PRDX5: variants seen among roughly 807,000 people sequenced by gnomAD.
The protein encoded by PRDX5 is peroxiredoxin 5.
In PRDX5, 21 loss-of-function variants were observed where a neutral mutation model predicts 23.8. The observed-to-expected ratio is 0.88, with a 90% CI of 0.63 to 1.27. The LOEUF (loss-of-function observed/expected upper bound fraction) is 1.27. PRDX5 is among the 50% of genes most tolerant of loss of function. The pLI is 0.00. For missense variants in PRDX5, 261 were observed against 270.6 expected (o/e 0.96, Z 0.25); for synonymous variants, 111 against 113.3 (o/e 0.98, Z 0.13).
intron 3 of PRDX5, 31 bp downstream of exon 3, chr11:64,320,823 C>T: frequency 1.2e-6 from 2 of 1,614,200 alleles, no homozygotes; most frequent in Non-Finnish European, 8.5e-7. Context: ...GGAGTCAGGA[C>T]CAGGTAGGAT....
chr11:64,321,520 G>A, intron 5 of PRDX5, 66 bp from the exon 6 acceptor site: 3 of 1,580,592 alleles, frequency 1.9e-6, no homozygotes, highest in Non-Finnish European at 2.6e-6. Context: ...GCTGTTCACT[G>A]CCTGTCTCCA....
At chr11:64,321,509 G>C in intron 5 of PRDX5, 77 bp from the exon 6 acceptor site, 3 of 1,566,616 alleles carry the variant, frequency 1.9e-6, no homozygotes, top group Non-Finnish European at 2.6e-6. Context: ...TTGGGCCCCT[G>C]GCTGTTCACT....
Position 64,319,869 on chromosome 11 carries a change from G to T in PRDX5, c.306+1G>T. 3 of 1,613,894 alleles carry T rather than the reference G, an allele frequency of 1.9e-6. No individual in the cohort carries two copies. Among genetic ancestry groups the T allele is most frequent in the Non-Finnish European group, 2.5e-6 (3 of 1,179,886 alleles). On this transcript the variant is annotated splice_donor_variant, in intron 2 of 5. Coordinates refer to ENST00000265462, the MANE Select transcript of PRDX5 (RefSeq NM_012094.5). LOFTEE classifies it high-confidence loss of function. ...GGCCTTCACCCCTGGATGTTCCAAG[G>T]TGAGGCCCTTCCCCTTCTGAAGATC...
rs1271695932 is a variant in PRDX5, at chr11:64,319,758, G to A, written c.196G>A (p.Glu66Lys). The change falls in exon 2 of 6, where the codon GAG (glutamate) becomes AAG (lysine). Residue 66 changes from glutamate to lysine, a missense_variant. Transcript: ENST00000265462. ...IKVGDAIPAVEVFEGEPGNKV... is the reference protein window; with the variant it reads ...IKVGDAIPAVKVFEGEPGNKV... ...GGTGGGAGATGCCATCCCAGCAGTG[G>A]AGGTGTTTGAAGGGGAGCCAGGGAA... 1 of 1,613,972 alleles carries A rather than the reference G, an allele frequency of 6.2e-7. No individual in the cohort carries two copies. The highest frequency in any genetic ancestry group is 1.7e-5 in the Admixed American group (1 of 59,998).
intron 1 of PRDX5, among the ~76,000 whole-genome samples, chr11:64,318,851 C>G (rs1299522980): frequency 7.4e-6 from 1 of 135,260 alleles, no homozygotes; most frequent in Non-Finnish European, 1.6e-5. Context: ...CCCCCGCCCC[C>G]CCCCGCCTCG....
intron 2 of PRDX5, among the ~76,000 whole-genome samples, chr11:64,320,138 G>C (rs1253628073): frequency 1.3e-5 from 2 of 152,338 alleles, no homozygotes; most frequent in Non-Finnish European, 2.9e-5. Context: ...AAATCAGCCG[G>C]ACATGGTGGC....
chr11:64,321,498 C>T (rs773129802), intron 5 of PRDX5, 88 bp from the exon 6 acceptor site: 5 of 1,552,652 alleles, frequency 3.2e-6, no homozygotes, highest in South Asian at 1.2e-5. Context: ...CTGGAGTTCT[C>T]TTGGGCCCCT....
chr11:64,319,924 A>G, intron 2 of PRDX5, 56 bp downstream of exon 2: 2 of 1,596,858 alleles, frequency 1.3e-6, no homozygotes, highest in Non-Finnish European at 1.7e-6. Flanking sequence ...GTTGCTCTTA[A>G]GTCCTCCACA....
Position 64,318,135 on chromosome 11 carries a change from C to G in PRDX5, c.-81C>G, listed in dbSNP as rs2035359190. On this transcript the variant is annotated 5_prime_UTR_variant, in exon 1 of 6. Coordinates refer to ENST00000265462, the MANE Select transcript of PRDX5 (RefSeq NM_012094.5). Reference sequence around the variant, plus strand: ...CCCAGGCCCGCCTTCCGCAGGGTGTCGCCGCTGTGCCGCTAGCGGTGCCCC... The same window carrying G: ...CCCAGGCCCGCCTTCCGCAGGGTGTGGCCGCTGTGCCGCTAGCGGTGCCCC... 1.2e-5 allele frequency: 19 copies of G among 1,570,172 alleles called. No individual in the cohort carries two copies. In the Middle Eastern group the frequency reaches 6.9e-4, roughly 57 times the overall value.
Position 64,321,719 on chromosome 11 carries a change from C to T in PRDX5, c.*28C>T, listed in dbSNP as rs1192024189. The T allele has an allele frequency of 2.1e-5, 33 of 1,543,196 alleles. No homozygotes were observed. Among genetic ancestry groups the T allele is most frequent in the Non-Finnish European group, 2.5e-5 (28 of 1,142,136 alleles). On this transcript the variant is annotated 3_prime_UTR_variant, in exon 6 of 6. Coordinates refer to ENST00000265462, the MANE Select transcript of PRDX5 (RefSeq NM_012094.5). ...CCCTGGGCCAGATTACTTCCTCCAC[C>T]CCTCCCTATCTCACCTGCCCAGCCC...
At chr11:64,320,595 G>A in intron 2 of PRDX5, 66 bp from the exon 3 acceptor site, 2 of 1,535,666 alleles carry the variant, frequency 1.3e-6, no homozygotes, top group Non-Finnish European at 1.8e-6. Context: ...AGGGCCTGGA[G>A]ATAAAGGGTG....
At chr11:64,320,613 G>A (rs2035468702) in intron 2 of PRDX5, 48 bp from the exon 3 acceptor site, 24 of 1,544,232 alleles carry the variant, frequency 1.6e-5, no homozygotes, top group Non-Finnish European at 2.1e-5. Flanking sequence ...GTGGGCTGGG[G>A]GTCAGATGCA....
intron 1 of PRDX5, among the ~76,000 whole-genome samples, 182 bp from the exon 2 acceptor site, chr11:64,319,552 G>A (rs1018990584): frequency 2.6e-5 from 4 of 152,230 alleles, no homozygotes; most frequent in African/African-American, 9.6e-5. Flanking sequence ...AAACTTGGAG[G>A]ATATGGGGTA....
At chr11:64,321,118 C>T (rs758718656) in intron 5 of PRDX5, 50 bp downstream of exon 5, 5 of 1,568,104 alleles carry the variant, frequency 3.2e-6, no homozygotes, top group Non-Finnish European at 4.4e-6. Context: ...GGAGAGAGTC[C>T]TCTGTGGGAG....
At chr11:64,319,429 C>CT (rs2035427771) in intron 1 of PRDX5, among the ~76,000 whole-genome samples, 1 of 152,198 alleles carries the variant, frequency 6.6e-6, no homozygotes, top group Admixed American at 6.5e-5. Flanking sequence ...TATTCCACTC[C>CT]TTTCCTGTAA....
rs1358576779 is a variant in PRDX5 at position 64,320,777 on chromosome 11, C to A, written c.423C>A (p.His141Gln). The A allele has an allele frequency of 6.2e-7, 1 of 1,614,020 alleles. No individual in the cohort carries two copies. The highest frequency in any genetic ancestry group is 8.5e-7 in the Non-Finnish European group (1 of 1,179,988). ...TGACTGGCGAGTGGGGCCGAGCCCA[C>A]AAGGCGGAAGGCAAGGTGAGGTGAG... is the stretch of plus-strand genomic sequence containing the variant. ...AFVTGEWGRAHKAEGKVRLLA... is the reference protein window; with the variant it reads ...AFVTGEWGRAQKAEGKVRLLA... The change falls in exon 3 of 6, where the codon CAC (histidine) becomes CAA (glutamine). Residue 141 changes from histidine (H) to glutamine (Q), a missense_variant. His to Gln is a conservative substitution (Grantham distance 24). Coordinates refer to ENST00000265462, the MANE Select transcript of PRDX5 (RefSeq NM_012094.5).
intron 2 of PRDX5, 26 bp downstream of exon 2, chr11:64,319,894 C>T (rs1565382716): frequency 6.2e-7 from 1 of 1,611,742 alleles, no homozygotes; most frequent in Non-Finnish European, 8.5e-7. Context: ...TTCTGAAGAT[C>T]AGGACCTGGG....
chr11:64,319,243 C>T (rs1445537399), intron 1 of PRDX5, among the ~76,000 whole-genome samples: 1 of 152,046 alleles, frequency 6.6e-6, no homozygotes, highest in Non-Finnish European at 1.5e-5. Context: ...TTCTTTTGTT[C>T]TACACCTCCT....
chr11:64,321,043 A>G lies in PRDX5; in HGVS notation c.514A>G (p.Ile172Val), dbSNP rs771351705. The change falls in exon 5 of 6, where the codon ATC becomes GTC. Residue 172 changes from isoleucine (I) to valine (V), a missense_variant. Physicochemically the swap from Ile to Val is conservative, Grantham distance 29. Coordinates refer to ENST00000265462, the MANE Select transcript of PRDX5 (RefSeq NM_012094.5). ...ATTACTAGATGATTCGCTGGTGTCC[A>G]TCTTTGGGAATCGACGTCTCAAGAG... ...DLLLDDSLVS[I>V]FGNRRLKRFS... 9.3e-6 allele frequency: 15 copies of G among 1,613,924 alleles called. No homozygotes were observed. Among genetic ancestry groups the G allele is most frequent in the Non-Finnish European group, 1.1e-5 (13 of 1,180,014 alleles).
Sources: gnomAD v4.1 joint callset for allele counts (sites outside exome capture counted in the v4.1 genomes callset) on GRCh38, gnomAD v4.1.1 for gene constraint, MANE v1.5 for transcripts, NCBI Gene and HGNC (gene_info 2026-07-23, HGNC 2026-07-21) for gene names.